ZNF730: variants seen among roughly 807,000 people sequenced by gnomAD.
ZNF730 encodes putative zinc finger protein 730.
In ZNF730, 12 loss-of-function variants were observed where a neutral mutation model predicts 12.6. That is an observed-to-expected ratio of 0.95 (90% CI 0.61 to 1.54). The LOEUF is 1.54. Ranked by LOEUF, ZNF730 falls within the 40% of genes most tolerant of loss-of-function variation. The pLI is 0.00. For missense variants in ZNF730, 643 were observed against 583.5 expected, an observed-to-expected ratio of 1.10 and a Z score of -1.05; for synonymous variants, 194 against 195.8, an observed-to-expected ratio of 0.99 and a Z score of 0.08.
In ZNF730 at chr19:23,144,700, C is replaced by CAAAAA. The variant is rs57769795; in HGVS notation, c.227-559_227-555dup. On this transcript the variant is annotated intron_variant, in intron 3 of 3. Transcript: ENST00000597761. ...GGGTGACAGAGCAAGACTCTTGTCT[C>CAAAAA]AAAAAAAAAAAAAAAATTAGTAATC... 1.0e-4 allele frequency among the ~76,000 whole-genome samples: 9 copies of CAAAAA among 85,768 alleles called. No individual in the cohort carries two copies. In the East Asian group the frequency reaches 1.4e-3, roughly 13 times the overall value. 56.3% of individuals were successfully genotyped at this position (85,768 alleles called of 152,430 possible). A position where few individuals can be genotyped will look rare whatever the true frequency, so the allele number is the denominator to read the frequency against.
intron 1 of ZNF730, among the ~76,000 whole-genome samples, chr19:23,101,227 A>ATAAACAGATCTCACTG (rs143203450): frequency 1.3e-5 from 2 of 152,144 alleles, no homozygotes; most frequent in African/African-American, 4.8e-5. Flanking sequence ...ATTCTCCCAT[A>ATAAACAGATCTCACTG]TTGAGGTTCT....
chr19:23,128,095 A>C (rs1970693073), intron 1 of ZNF730: 4 of 835,202 alleles, frequency 4.8e-6, no homozygotes, highest in Admixed American at 1.7e-5. Flanking sequence ...AAGTGCCTTC[A>C]CCTGCTATTT....
At chr19:23,129,730 A>G (rs909762294) in intron 1 of ZNF730, among the ~76,000 whole-genome samples, 3 of 152,062 alleles carry the variant, frequency 2.0e-5, no homozygotes, top group Admixed American at 6.6e-5. Context: ...GTGGTGGCTC[A>G]TGCTAGTAAT....
rs1393935583 is a variant in ZNF730 at position 23,118,996 on chromosome 19, G to C, written c.3+1820G>C. ...AGAAAAAGAATCATCTGCAAACAGA[G>C]ATTGTTTTAATTTCCTCTCTTCCTG... On this transcript the variant is annotated intron_variant, in intron 1 of 3. Coordinates refer to ENST00000597761, the MANE Select transcript of ZNF730 (RefSeq NM_001277403.2). Among the ~76,000 whole-genome samples the C allele has an allele frequency of 3.3e-5, 5 of 152,168 alleles. 1 individual carries two copies. Among genetic ancestry groups the C allele is most frequent in the African/African-American group, 7.2e-5 (3 of 41,436 alleles).
chr19:23,119,391 C>T (rs1970570642), intron 1 of ZNF730, among the ~76,000 whole-genome samples: 2 of 152,184 alleles, frequency 1.3e-5, no homozygotes, highest in Non-Finnish European at 2.9e-5. Flanking sequence ...CCTACTTGAT[C>T]ATAGTGGATT....
chr19:23,077,350 C>T (rs955989381), intron 1 of ZNF730, among the ~76,000 whole-genome samples: 1 of 149,696 alleles, frequency 6.7e-6, no homozygotes, highest in African/African-American at 2.4e-5. Flanking sequence ...CCCGCCTTGG[C>T]CTCCCAATGT....
upstream of ZNF730, among the ~76,000 whole-genome samples, chr19:23,115,302 T>C (rs1317704765): frequency 2.0e-5 from 3 of 152,300 alleles, no homozygotes; most frequent in East Asian, 3.9e-4. Context: ...TTTGGGTCTT[T>C]GGACAAGTTT....
At position 23,134,200 on chromosome 19, in the gene ZNF730, T is replaced by C. The variant is rs1210768344; in HGVS notation, c.124T>C (p.Phe42Leu). The change falls in exon 2 of 4, where the codon TTC (phenylalanine) becomes CTC (leucine). Residue 42 changes from phenylalanine (F) to leucine (L), a missense_variant. Physicochemically the swap from Phe to Leu is conservative, Grantham distance 22. Transcript: ENST00000597761. ...GTTAGATAACTACAGAAACCTGGTC[T>C]TCCTGGGTGAGGATAACTTTAATAT... ...VMLDNYRNLVFLGIAVSKPDL... is the reference protein window; with the variant it reads ...VMLDNYRNLVLLGIAVSKPDL... 6.2e-7 allele frequency: 1 copy of C among 1,605,258 alleles called. No homozygotes were observed. The highest frequency in any genetic ancestry group is 8.5e-7 in the Non-Finnish European group (1 of 1,176,588).
At chr19:23,118,366 G>GTTT (rs3841327) in intron 1 of ZNF730, among the ~76,000 whole-genome samples, 52 of 139,472 alleles carry the variant, frequency 3.7e-4, no homozygotes, top group African/African-American at 6.8e-4. Flanking sequence ...TTTGTTTTTT[G>GTTT]TTTTTTTTTT....
intron 3 of ZNF730, 120 bp downstream of exon 3, chr19:23,136,163 TCTTTTTATTTATTTTG>T (rs1465462277): frequency 4.3e-6 from 3 of 691,268 alleles, no homozygotes; most frequent in Admixed American, 4.1e-5. Context: ...AGTTTCTGTT[TCTTTTTATTTATTTTG>T]CTTTTTATTT....
In ZNF730 at chr19:23,146,095, C is replaced by G; in HGVS notation, c.1051C>G (p.Arg351Gly). The change falls in exon 4 of 4, where the codon CGA becomes GGA. Residue 351 changes from arginine (R) to glycine (G), a missense_variant. Physicochemically the swap from Arg to Gly is moderately radical, Grantham distance 125. Transcript: ENST00000597761. ...KCEECGKAFN[R>G]SSTLNRHKIT... ...TGAAGAATGTGGCAAAGCTTTTAAC[C>G]GATCCTCAACCCTTAATAGACATAA... 3.7e-6 allele frequency: 6 copies of G among 1,611,798 alleles called. No individual in the cohort carries two copies. The highest frequency in any genetic ancestry group is 5.1e-6 in the Non-Finnish European group (6 of 1,179,214).
intron 1 of ZNF730, chr19:23,128,017 AAG>A: frequency 1.3e-6 from 1 of 750,074 alleles, no homozygotes; most frequent in Admixed American, 1.7e-5. Flanking sequence ...TGGCATGGAC[AAG>A]ATCTGTGAAG....
At chr19:23,135,610 A>G (rs1296090092) in intron 2 of ZNF730, among the ~76,000 whole-genome samples, 1 of 152,038 alleles carries the variant, frequency 6.6e-6, no homozygotes, top group Non-Finnish European at 1.5e-5. Flanking sequence ...TCCTGGGTTC[A>G]AGCGATTCTC....
At chr19:23,125,319 A>C (rs1415917892) in intron 1 of ZNF730, among the ~76,000 whole-genome samples, 1 of 152,188 alleles carries the variant, frequency 6.6e-6, no homozygotes, top group Non-Finnish European at 1.5e-5. Context: ...ACTGGGCAAC[A>C]GGCAGAGGTT....
intron 1 of ZNF730, chr19:23,095,316 C>G (rs1037531105): frequency 2.5e-6 from 1 of 398,368 alleles, no homozygotes; most frequent in East Asian, 3.6e-5. Flanking sequence ...GACTCTCCTG[C>G]GTGTGCCCTG....
chr19:23,134,616 C>A (rs894873954), intron 2 of ZNF730, among the ~76,000 whole-genome samples: 2 of 147,404 alleles, frequency 1.4e-5, no homozygotes, highest in African/African-American at 5.0e-5. Flanking sequence ...GGTCAGCCCC[C>A]CGCCCGGCCA....
intron 1 of ZNF730, chr19:23,127,783 G>GAA: frequency 1.3e-6 from 1 of 791,900 alleles, no homozygotes; most frequent in Admixed American, 1.9e-5. Flanking sequence ...CCATCGTCCA[G>GAA]GTCTTCCATC....
At chr19:23,094,085 A>G (rs1325545263) in intron 1 of ZNF730, among the ~76,000 whole-genome samples, 1 of 152,058 alleles carries the variant, frequency 6.6e-6, no homozygotes, top group Non-Finnish European at 1.5e-5. Flanking sequence ...AGGCTTACCG[A>G]GGCGATCCTC....
intron 1 of ZNF730, among the ~76,000 whole-genome samples, chr19:23,105,692 G>A (rs1970385245): frequency 6.6e-6 from 1 of 152,160 alleles, no homozygotes; most frequent in Non-Finnish European, 1.5e-5. Context: ...TCCACTCCTA[G>A]GTCATTACTA....
Sources: allele counts gnomAD v4.1 joint callset (sites outside exome capture counted in the v4.1 genomes callset), GRCh38; gene constraint gnomAD v4.1.1; transcripts MANE v1.5; gene names NCBI Gene and HGNC (gene_info 2026-07-23, HGNC 2026-07-21).